The following MYO18B variants were observed in gnomAD, a reference collection of about 807,000 sequenced individuals.
MYO18B encodes the protein unconventional myosin-XVIIIb.
Under a neutral mutation model 273.0 loss-of-function variants are expected in MYO18B, and 204 were observed. The observed-to-expected ratio is 0.75, with a 90% CI of 0.67 to 0.84. MYO18B has a LOEUF of 0.84. MYO18B is among the 40% of genes least tolerant of loss of function. MYO18B has a pLI of 0.00. For missense variants in MYO18B, 3,212 were observed against 3,287.6 expected, an observed-to-expected ratio of 0.98 and a Z score of 0.56; for synonymous variants, 1,330 against 1,305.7, an observed-to-expected ratio of 1.02 and a Z score of -0.40.
chr22:25,821,823 A>G (rs1262534731), intron 12 of MYO18B, among the ~76,000 whole-genome samples: 1 of 152,158 alleles, frequency 6.6e-6, no homozygotes, highest in Non-Finnish European at 1.5e-5. Context: ...GAAGTCATTT[A>G]TTTTTCTATG....
intron 12 of MYO18B, among the ~76,000 whole-genome samples, chr22:25,802,837 G>A (rs1231105281): frequency 6.6e-6 from 1 of 151,168 alleles, no homozygotes; most frequent in African/African-American, 2.4e-5. Flanking sequence ...CTTTCCCCCA[G>A]CCATAAACAA....
intron 5 of MYO18B, 39 bp downstream of exon 5, chr22:25,770,215 T>A (rs932937161): frequency 6.3e-7 from 1 of 1,596,828 alleles, no homozygotes; most frequent in African/African-American, 1.3e-5. Context: ...GGTCTGAGTC[T>A]TCTCCTGTGC....
chr22:25,889,097 A>G (rs1439887176), intron 25 of MYO18B, among the ~76,000 whole-genome samples: 1 of 152,070 alleles, frequency 6.6e-6, no homozygotes, highest in Non-Finnish European at 1.5e-5. Context: ...GTTCTGTGCA[A>G]ACAAAAATGG....
chr22:25,791,855 T>C (rs560651513), intron 11 of MYO18B, among the ~76,000 whole-genome samples: 1 of 152,372 alleles, frequency 6.6e-6, no homozygotes, highest in African/African-American at 2.4e-5. Flanking sequence ...TAAGGAATTA[T>C]GATCATATCT....
intron 40 of MYO18B, among the ~76,000 whole-genome samples, chr22:25,997,574 C>T (rs1243032595): frequency 6.6e-6 from 1 of 152,068 alleles, no homozygotes; most frequent in East Asian, 1.9e-4. Context: ...TCAGTAATAT[C>T]ATAGAAATGG....
At chr22:25,975,334 C>T (rs1198620375) in intron 39 of MYO18B, among the ~76,000 whole-genome samples, 4 of 152,222 alleles carry the variant, frequency 2.6e-5, no homozygotes, top group South Asian at 2.1e-4. Flanking sequence ...CAAAAGTGTA[C>T]GGAGGTAGCT....
chr22:25,929,414 C>T (rs2092467307), intron 34 of MYO18B, among the ~76,000 whole-genome samples: 1 of 152,120 alleles, frequency 6.6e-6, no homozygotes, highest in African/African-American at 2.4e-5. Context: ...GAGACAGAAG[C>T]AGTTCCAACA....
chr22:25,766,835 A>G (rs994946964), intron 3 of MYO18B, among the ~76,000 whole-genome samples: 3 of 152,250 alleles, frequency 2.0e-5, no homozygotes, highest in African/African-American at 7.2e-5. Flanking sequence ...GTGGGCAGCT[A>G]CCCAAATCTT....
intron 34 of MYO18B, among the ~76,000 whole-genome samples, chr22:25,930,900 G>A (rs1333249978): frequency 7.9e-5 from 12 of 152,268 alleles, no homozygotes; most frequent in Admixed American, 4.6e-4. Flanking sequence ...TTAATAGCCC[G>A]AGGCTCTCTG....
chr22:25,934,418 G>C (rs1019591035), intron 34 of MYO18B, among the ~76,000 whole-genome samples: 1 of 152,092 alleles, frequency 6.6e-6, no homozygotes, highest in Non-Finnish European at 1.5e-5. Flanking sequence ...AGTGGTGCAG[G>C]ATGATGGAAA....
intron 40 of MYO18B, among the ~76,000 whole-genome samples, chr22:25,996,340 G>A (rs531569287): frequency 6.6e-6 from 1 of 152,284 alleles, no homozygotes; most frequent in South Asian, 2.1e-4. Context: ...TGTTGCGTGC[G>A]AGATGCTGTG....
At chr22:25,881,871 T>C (rs894226303) in intron 25 of MYO18B, among the ~76,000 whole-genome samples, 1 of 146,502 alleles carries the variant, frequency 6.8e-6, no homozygotes. Flanking sequence ...TAAGAGTTGA[T>C]GAGTGTATGG....
At chr22:26,043,736 G>A in the MYO18B span, among the ~76,000 whole-genome samples, 3 of 151,842 alleles carry the variant, frequency 2.0e-5, no homozygotes, top group Non-Finnish European at 4.4e-5. Context: ...GACTGGTCTC[G>A]AACTCCTGAC....
chr22:25,951,680 A>G (rs1419328003), intron 37 of MYO18B, among the ~76,000 whole-genome samples: 1 of 152,214 alleles, frequency 6.6e-6, no homozygotes, highest in Non-Finnish European at 1.5e-5. Flanking sequence ...GAACCCTGGC[A>G]TGCACCTGCT....
chr22:25,972,448 T>C (rs903455423), intron 39 of MYO18B, among the ~76,000 whole-genome samples: 1 of 152,262 alleles, frequency 6.6e-6, no homozygotes, highest in African/African-American at 2.4e-5. Context: ...TTCGTGTGAC[T>C]TATGGCTTTA....
intron 40 of MYO18B, among the ~76,000 whole-genome samples, chr22:26,001,307 A>G (rs1601804809): frequency 1.3e-5 from 2 of 152,356 alleles, no homozygotes; most frequent in Admixed American, 6.5e-5. Flanking sequence ...CAAAAGGACT[A>G]TTTACAAAGG....
chr22:25,919,611 C>T (rs571121815), intron 33 of MYO18B, among the ~76,000 whole-genome samples: 2 of 152,006 alleles, frequency 1.3e-5, no homozygotes, highest in South Asian at 2.1e-4. Flanking sequence ...AATGCAATAA[C>T]GTGACAAAGA....
At chr22:25,799,131 T>TTG (rs61488241) in intron 12 of MYO18B, among the ~76,000 whole-genome samples, 4,201 of 145,232 alleles carry the variant, frequency 0.029, 152 homozygotes, top group East Asian at 0.11. Flanking sequence ...GTGTTTACGT[T>TTG]TGTGTGTGTG....
At chr22:25,787,219 AAAAAAAG>A (rs1303559511) in intron 11 of MYO18B, among the ~76,000 whole-genome samples, 2 of 152,002 alleles carry the variant, frequency 1.3e-5, no homozygotes, top group African/African-American at 2.4e-5. Flanking sequence ...TGTCTCAGAA[AAAAAAAG>A]AAAAAAGAAA....
Sources: allele counts gnomAD v4.1 joint callset (sites outside exome capture counted in the v4.1 genomes callset), GRCh38; gene constraint gnomAD v4.1.1; transcripts MANE v1.5; gene names NCBI Gene and HGNC (gene_info 2026-07-23, HGNC 2026-07-21).